The following ILDR1 variants were observed in gnomAD, a reference collection of about 807,000 sequenced individuals.
The protein encoded by ILDR1 is immunoglobulin like domain containing receptor 1.
A neutral mutation model predicts 62.4 loss-of-function variants in ILDR1; 56 were observed. The observed-to-expected ratio is 0.90, with a 90% CI of 0.72 to 1.12. ILDR1 has a LOEUF of 1.12. Among genes scored for constraint, ILDR1 ranks in the 50% most tolerant of loss-of-function variants. ILDR1 has a pLI of 0.00. For synonymous variants in ILDR1, 284 were observed against 277.8 expected, an observed-to-expected ratio of 1.02 and a Z score of -0.22; for missense variants, 736 against 710.6, an observed-to-expected ratio of 1.04 and a Z score of -0.41.
chr3:122,037,078 C>A, the ILDR1 span, among the ~76,000 whole-genome samples: 3 of 152,244 alleles, frequency 2.0e-5, no homozygotes, highest in African/African-American at 7.2e-5. Context: ...ATGGAAATGC[C>A]TGGATGTTCA....
intron 3 of ILDR1, among the ~76,000 whole-genome samples, chr3:122,003,028 A>G (rs573044852): frequency 1.3e-5 from 2 of 152,202 alleles, no homozygotes; most frequent in Admixed American, 6.5e-5. Flanking sequence ...TGGGTCCAGC[A>G]TTATGTCAGG....
the ILDR1 span, among the ~76,000 whole-genome samples, chr3:122,049,684 C>A: frequency 2.0e-5 from 3 of 152,118 alleles, no homozygotes; most frequent in Non-Finnish European, 4.4e-5. Flanking sequence ...GTCTGAATGT[C>A]CCCAAAAATT....
At chr3:122,001,665 T>C in intron 4 of ILDR1, 80 bp downstream of exon 4, 2 of 1,537,304 alleles carry the variant, frequency 1.3e-6, no homozygotes, top group Non-Finnish European at 1.8e-6. Flanking sequence ...TGCTTATTTC[T>C]GGTTTTTTTT....
chr3:121,993,052 T>C, intron 7 of ILDR1, 98 bp downstream of exon 7: 1 of 992,624 alleles, frequency 1.0e-6, no homozygotes, highest in Non-Finnish European at 1.6e-6. Flanking sequence ...GCACCCTCTG[T>C]GGTGGAATGA....
In ILDR1 at chr3:121,993,685, G is replaced by A. The variant is rs565240888; in HGVS notation, c.1064C>T (p.Thr355Ile). The A allele has an allele frequency of 4.5e-5, 73 of 1,614,190 alleles. 1 individual carries two copies. In the South Asian group the frequency reaches 7.6e-4, roughly 17 times the overall value. ...TSDSLHQQWL[T>I]PIPSRPWDLR... is the part of the protein sequence containing the mutation. ...ATCCCAGGGCCTGGAGGGAATTGGG[G>A]TGAGCCACTGCTGGTGCAGGGAGTC... Residue 355 changes from threonine (T) to isoleucine (I), a missense_variant, in exon 7 of 8, where the codon ACC (threonine) becomes ATC (isoleucine). By Grantham distance (89) the Thr-to-Ile change is moderately conservative (BLOSUM62 -1). Coordinates refer to ENST00000344209, the MANE Select transcript of ILDR1 (RefSeq NM_001199799.2).
upstream of ILDR1, among the ~76,000 whole-genome samples, chr3:122,023,883 C>G (rs1056960516): frequency 2.0e-5 from 3 of 152,122 alleles, no homozygotes; most frequent in Admixed American, 2.0e-4. Context: ...TGTACATGCT[C>G]CCAGCAACAC....
chr3:122,012,820 A>T (rs1214356147), intron 1 of ILDR1, among the ~76,000 whole-genome samples: 1 of 152,250 alleles, frequency 6.6e-6, no homozygotes, highest in Non-Finnish European at 1.5e-5. Flanking sequence ...AAAAAATGAT[A>T]CAAATGTAAA....
upstream of ILDR1, chr3:122,022,263 G>T: frequency 2.0e-6 from 1 of 509,916 alleles, no homozygotes. Flanking sequence ...GTCCCCACCT[G>T]CGGCGCTCCC....
the ILDR1 span, among the ~76,000 whole-genome samples, chr3:122,052,120 A>G: frequency 6.6e-6 from 1 of 152,244 alleles, no homozygotes; most frequent in African/African-American, 2.4e-5. Context: ...AGAATTCTGG[A>G]CACATGTTCT....
the ILDR1 span, among the ~76,000 whole-genome samples, chr3:122,050,193 A>C: frequency 1.3e-5 from 2 of 152,088 alleles, no homozygotes; most frequent in African/African-American, 4.8e-5. Context: ...GCATAGTTGG[A>C]TCTTATTTTT....
chr3:121,999,773 T>A (rs1166532963), intron 5 of ILDR1, among the ~76,000 whole-genome samples: 2 of 152,122 alleles, frequency 1.3e-5, no homozygotes, highest in African/African-American at 4.8e-5. Flanking sequence ...GAGGTCAGAC[T>A]CACCTCATTA....
the ILDR1 span, among the ~76,000 whole-genome samples, chr3:122,048,748 T>C: frequency 6.6e-6 from 1 of 152,194 alleles, no homozygotes; most frequent in African/African-American, 2.4e-5. Flanking sequence ...ATTTTTTTAA[T>C]TTCTGTGGCA....
chr3:121,993,392 G>C lies in ILDR1; in HGVS notation c.1357C>G (p.Arg453Gly), dbSNP rs376986803. ...CQERPRRPSP[R>G]ESTQRHGRRR... is the part of the protein sequence containing the mutation. ...CTCCCGTGCCTCTGAGTGCTCTCCC[G>C]GGGGCTGGGCCTGCGGGGCCTCTCC... Residue 453 changes from arginine (R) to glycine (G), a missense_variant, in exon 7 of 8, where the codon CGG becomes GGG. Coordinates refer to ENST00000344209, the MANE Select transcript of ILDR1 (RefSeq NM_001199799.2). 1.9e-6 allele frequency: 3 copies of C among 1,612,664 alleles called. No homozygotes were observed. Among genetic ancestry groups the C allele is most frequent in the Non-Finnish European group, 2.5e-6 (3 of 1,179,116 alleles).
At chr3:122,008,568 CT>C (rs1454372232) in intron 1 of ILDR1, among the ~76,000 whole-genome samples, 2 of 94,546 alleles carry the variant, frequency 2.1e-5, no homozygotes, top group Admixed American at 1.4e-4. Context: ...TTTTTTATTT[CT>C]TTTCTTTTCT....
chr3:122,016,492 C>A (rs183580594), intron 1 of ILDR1, among the ~76,000 whole-genome samples: 2 of 152,232 alleles, frequency 1.3e-5, no homozygotes, highest in African/African-American at 4.8e-5. Context: ...ATTTTAAGTG[C>A]CCTAAAAGTT....
intron 1 of ILDR1, among the ~76,000 whole-genome samples, chr3:122,015,920 C>G (rs934517829): frequency 2.0e-5 from 3 of 152,102 alleles, no homozygotes; most frequent in Admixed American, 6.5e-5. Context: ...GCTCTGGTTC[C>G]CCCTGCTAGG....
At chr3:122,015,864 C>T (rs1486687400) in intron 1 of ILDR1, among the ~76,000 whole-genome samples, 1 of 152,186 alleles carries the variant, frequency 6.6e-6, no homozygotes, top group Non-Finnish European at 1.5e-5. Context: ...ACTATTATGT[C>T]CAGCCTCCAT....
chr3:122,042,404 T>C, the ILDR1 span, among the ~76,000 whole-genome samples: 9,321 of 77,362 alleles, frequency 0.12, 644 homozygotes, highest in East Asian at 0.2. Flanking sequence ...TATAGCAGCA[T>C]GATTTATAGT....
the ILDR1 span, among the ~76,000 whole-genome samples, chr3:122,047,302 A>C: frequency 6.6e-6 from 1 of 152,308 alleles, no homozygotes; most frequent in East Asian, 1.9e-4. Context: ...GCGTGCTGGG[A>C]GAACCACTGC....
Sources: gnomAD v4.1 joint callset for allele counts (sites outside exome capture counted in the v4.1 genomes callset) on GRCh38, gnomAD v4.1.1 for gene constraint, MANE v1.5 for transcripts, NCBI Gene and HGNC (gene_info 2026-07-23, HGNC 2026-07-21) for gene names.